The following DLG2 variants were observed in gnomAD, a reference collection of about 807,000 sequenced individuals.
DLG2 encodes the protein disks large homolog 2.
DLG2 carries 45 observed loss-of-function variants against 132.5 expected under a neutral mutation model. The observed-to-expected ratio is 0.34, with a 90% CI of 0.27 to 0.44. The LOEUF (loss-of-function observed/expected upper bound fraction) is 0.44. Among genes scored for constraint, DLG2 ranks in the 20% least tolerant of loss-of-function variants. The pLI, the probability that DLG2 is intolerant of heterozygous loss-of-function variation, is 1.00. For synonymous variants in DLG2, 424 were observed against 419.6 expected, an observed-to-expected ratio of 1.01 and a Z score of -0.13; for missense variants, 1,045 against 1,196.9, an observed-to-expected ratio of 0.87 and a Z score of 1.87.
At chr11:84,721,836 C>T (rs1050022907) in intron 6 of DLG2, among the ~76,000 whole-genome samples, 2 of 152,176 alleles carry the variant, frequency 1.3e-5, no homozygotes, top group African/African-American at 2.4e-5. Flanking sequence ...ATGGTATTAA[C>T]CCCTAACCTA....
intron 6 of DLG2, among the ~76,000 whole-genome samples, chr11:84,835,027 G>C (rs1269479510): frequency 6.6e-6 from 1 of 151,610 alleles, no homozygotes; most frequent in Non-Finnish European, 1.5e-5. Flanking sequence ...CTACCTCTAA[G>C]ACAGTGATAC....
At chr11:83,753,866 CATATATATGAT>C (rs1399252732) in intron 18 of DLG2, among the ~76,000 whole-genome samples, 6 of 29,072 alleles carry the variant, frequency 2.1e-4, no homozygotes, top group African/African-American at 7.7e-4. Context: ...ATATATATTT[CATATATATGAT>C]ATATATCATA....
intron 19 of DLG2, among the ~76,000 whole-genome samples, chr11:83,551,911 T>C (rs2096400479): frequency 6.6e-6 from 1 of 152,218 alleles, no homozygotes; most frequent in Middle Eastern, 3.2e-3. Flanking sequence ...GCTTTCTTCC[T>C]ACAGTTGTAC....
At chr11:84,853,494 T>C (rs1195635890) in intron 6 of DLG2, among the ~76,000 whole-genome samples, 2 of 151,982 alleles carry the variant, frequency 1.3e-5, no homozygotes, top group African/African-American at 2.4e-5. Flanking sequence ...AAATCATATA[T>C]CTTAAAATAA....
At chr11:84,980,707 T>C (rs1412841243) in intron 6 of DLG2, among the ~76,000 whole-genome samples, 1 of 152,210 alleles carries the variant, frequency 6.6e-6, no homozygotes, top group African/African-American at 2.4e-5. Context: ...TTAACCACAG[T>C]GAGCCCCAAG....
chr11:85,021,662 A>ATGATAAGGT (rs1488465382), intron 6 of DLG2: 1 of 1,143,404 alleles, frequency 8.7e-7, no homozygotes, highest in African/African-American at 1.5e-5. Flanking sequence ...ATTGTGTTTG[A>ATGATAAGGT]TGATAAGGTT....
chr11:83,954,860 T>C (rs1044060552), intron 14 of DLG2, among the ~76,000 whole-genome samples: 3 of 152,220 alleles, frequency 2.0e-5, no homozygotes, highest in African/African-American at 7.2e-5. Flanking sequence ...ATTGTAGTCA[T>C]AAAAATTAAG....
At chr11:83,674,248 A>G (rs962796754) in intron 18 of DLG2, among the ~76,000 whole-genome samples, 1 of 152,188 alleles carries the variant, frequency 6.6e-6, no homozygotes, top group African/African-American at 2.4e-5. Context: ...GGCCCAGGGT[A>G]GAAGCTCTTT....
rs1021941277 is a variant in DLG2 at position 84,726,360 on chromosome 11, C to T, written c.358-191629G>A. Among the ~76,000 whole-genome samples the T allele has an allele frequency of 5.9e-5, 9 of 152,144 alleles. No homozygotes were observed. In the East Asian group the frequency reaches 9.7e-4, roughly 16 times the overall value. On this transcript the variant is annotated intron_variant, in intron 6 of 27. Coordinates refer to ENST00000376104, the MANE Select transcript of DLG2 (RefSeq NM_001142699.3). ...ACTCCCACTTATGAGTGAGAACATG[C>T]GGTGCTTGGTTTTCTGTTCTTGTGA...
chr11:85,559,731 A>T (rs2077124853), intron 3 of DLG2, among the ~76,000 whole-genome samples: 2 of 151,708 alleles, frequency 1.3e-5, no homozygotes, highest in Admixed American at 1.3e-4. Context: ...CTGTTCATGT[A>T]GAAAACTAAC....
chr11:84,414,193 G>C (rs2098920510), intron 7 of DLG2, among the ~76,000 whole-genome samples: 2 of 152,084 alleles, frequency 1.3e-5, no homozygotes, highest in African/African-American at 2.4e-5. Flanking sequence ...AGACTATTGT[G>C]AAGATTAAAT....
chr11:84,728,746 T>G (rs2062801728), intron 6 of DLG2, among the ~76,000 whole-genome samples: 1 of 152,198 alleles, frequency 6.6e-6, no homozygotes, highest in African/African-American at 2.4e-5. Flanking sequence ...GTTAGGCTAT[T>G]AAGTACTGCC....
At chr11:83,904,214 T>C (rs967434756) in intron 15 of DLG2, among the ~76,000 whole-genome samples, 2 of 152,122 alleles carry the variant, frequency 1.3e-5, no homozygotes, top group African/African-American at 2.4e-5. Flanking sequence ...AGTGAGAGAT[T>C]TTATCATGCT....
At chr11:84,107,527 T>A (rs2154189008) in intron 9 of DLG2, among the ~76,000 whole-genome samples, 1 of 152,166 alleles carries the variant, frequency 6.6e-6, no homozygotes, top group African/African-American at 2.4e-5. Context: ...AATGAGCGCA[T>A]ATGCATGTAT....
rs368529049 is a variant in DLG2, at chr11:85,001,667, T to C, written c.357+109994A>G. 3.9e-4 allele frequency among the ~76,000 whole-genome samples: 60 copies of C among 152,318 alleles called. 1 individual carries two copies. The highest frequency in any genetic ancestry group is 3.4e-3 in the Middle Eastern group (1 of 294). ...TTTAAGGCAGTGAAAGTACTGCTTA[T>C]GAAACTATAATGATGGACACATGCT... On this transcript the variant is annotated intron_variant, in intron 6 of 27. Coordinates refer to ENST00000376104, the MANE Select transcript of DLG2 (RefSeq NM_001142699.3).
At chr11:84,627,079 C>T (rs2099624080) in intron 6 of DLG2, among the ~76,000 whole-genome samples, 1 of 151,992 alleles carries the variant, frequency 6.6e-6, no homozygotes, top group Admixed American at 6.6e-5. Flanking sequence ...CCATGTTGGC[C>T]AGGCTGGTCT....
chr11:85,594,983 T>C (rs1591132345), intron 3 of DLG2, among the ~76,000 whole-genome samples: 1 of 150,606 alleles, frequency 6.6e-6, no homozygotes, highest in East Asian at 2.0e-4. Context: ...GGAGAATCGC[T>C]TGAACCAGGA....
chr11:83,621,312 T>A (rs2061607205), intron 19 of DLG2, among the ~76,000 whole-genome samples: 1 of 152,134 alleles, frequency 6.6e-6, no homozygotes, highest in Non-Finnish European at 1.5e-5. Flanking sequence ...AATTTACAAA[T>A]CTTGCACCCT....
intron 8 of DLG2, among the ~76,000 whole-genome samples, chr11:84,194,478 T>C (rs757744645): frequency 6.6e-6 from 1 of 152,086 alleles, no homozygotes; most frequent in Non-Finnish European, 1.5e-5. Flanking sequence ...TTGCAAACAG[T>C]GAAAGAACAA....
Sources: gnomAD v4.1 joint callset for allele counts (sites outside exome capture counted in the v4.1 genomes callset) on GRCh38, gnomAD v4.1.1 for gene constraint, MANE v1.5 for transcripts, NCBI Gene and HGNC (gene_info 2026-07-23, HGNC 2026-07-21) for gene names.